The following P2RY12 variants were observed in gnomAD, a reference collection of about 807,000 sequenced individuals.
P2RY12 encodes P2Y purinoceptor 12.
P2RY12 carries 3 observed loss-of-function variants against 4.5 expected under a neutral mutation model. The observed-to-expected ratio is 0.67, with a 90% confidence interval of 0.31 to 1.74. P2RY12 has a LOEUF of 1.74. Among genes scored for constraint, P2RY12 ranks in the 40% most tolerant of loss-of-function variants. The pLI, the probability that P2RY12 is intolerant of heterozygous loss-of-function variation, is 0.09. For synonymous variants in P2RY12, 148 were observed against 154.1 expected, an observed-to-expected ratio of 0.96 and a Z score of 0.29; for missense variants, 356 against 407.8, an observed-to-expected ratio of 0.87 and a Z score of 1.09.
At chr3:151,340,142 A>C (rs949731901) in intron 2 of P2RY12, among the ~76,000 whole-genome samples, 9 of 152,120 alleles carry the variant, frequency 5.9e-5, no homozygotes, top group Admixed American at 5.2e-4. Context: ...ATGCTAAACA[A>C]AACCTAATGT....
intron 1 of P2RY12, among the ~76,000 whole-genome samples, chr3:151,374,701 A>G (rs1389912692): frequency 1.3e-5 from 2 of 152,204 alleles, no homozygotes; most frequent in African/African-American, 2.4e-5. Flanking sequence ...TCCCATCCCT[A>G]TGAGTGTATT....
intron 1 of P2RY12, chr3:151,376,065 TTATG>T (rs1224389049): frequency 6.2e-7 from 1 of 1,603,724 alleles, no homozygotes; most frequent in African/African-American, 1.3e-5. Context: ...ACCTGAAAGA[TTATG>T]TACAGACAAA....
intron 1 of P2RY12, among the ~76,000 whole-genome samples, chr3:151,345,517 C>CTTTTTTTTTTTTTTTT (rs201731496): frequency 7.6e-6 from 1 of 131,650 alleles, no homozygotes; most frequent in Non-Finnish European, 1.6e-5. Context: ...TTTTCTTTTT[C>CTTTTTTTTTTTTTTTT]TTTTTTTTTT....
intron 1 of P2RY12, chr3:151,380,330 C>A: frequency 1.4e-6 from 1 of 734,000 alleles, no homozygotes; most frequent in Non-Finnish European, 2.2e-6. Context: ...GGTGTGGTGG[C>A]TCATGCCTGT....
At chr3:151,383,127 A>C (rs1712697253) in intron 1 of P2RY12, among the ~76,000 whole-genome samples, 1 of 152,240 alleles carries the variant, frequency 6.6e-6, no homozygotes, top group Non-Finnish European at 1.5e-5. Flanking sequence ...ACTTTCCATC[A>C]AATTGATTAT....
chr3:151,356,532 A>G (rs1333538421), intron 1 of P2RY12, among the ~76,000 whole-genome samples: 1 of 152,242 alleles, frequency 6.6e-6, no homozygotes, highest in African/African-American at 2.4e-5. Context: ...CATTTTATTT[A>G]AAGTTGTGTT....
intron 1 of P2RY12, chr3:151,384,043 A>G (rs761401464): frequency 5.0e-6 from 8 of 1,585,878 alleles, no homozygotes; most frequent in Non-Finnish European, 6.9e-6. Flanking sequence ...AGTGTATTTC[A>G]GTTTCACTTT....
intron 1 of P2RY12, among the ~76,000 whole-genome samples, chr3:151,354,623 A>G (rs184044741): frequency 9.7e-4 from 148 of 152,336 alleles, no homozygotes; most frequent in Non-Finnish European, 1.7e-3. Flanking sequence ...AGAAATGTTT[A>G]TAAAGGCACT....
At chr3:151,347,157 T>G (rs1752646356) in intron 1 of P2RY12, among the ~76,000 whole-genome samples, 1 of 145,434 alleles carries the variant, frequency 6.9e-6, no homozygotes, top group Non-Finnish European at 1.5e-5. Context: ...ACAAACTTTT[T>G]TACTCTAGCT....
intron 1 of P2RY12, among the ~76,000 whole-genome samples, chr3:151,379,603 G>A (rs17283010): frequency 0.35 from 53,082 of 152,082 alleles, 9,483 homozygotes; most frequent in Non-Finnish European, 0.38. Context: ...CCTGGCTGAT[G>A]AATTAGCTCT....
At chr3:151,383,048 A>C (rs1046871843) in intron 1 of P2RY12, among the ~76,000 whole-genome samples, 4 of 152,230 alleles carry the variant, frequency 2.6e-5, no homozygotes, top group Non-Finnish European at 5.9e-5. Context: ...GAAGACTGTT[A>C]TAAGTGTTAG....
At chr3:151,342,156 G>A (rs1301770817) in intron 1 of P2RY12, among the ~76,000 whole-genome samples, 1 of 152,170 alleles carries the variant, frequency 6.6e-6, no homozygotes, top group Non-Finnish European at 1.5e-5. Flanking sequence ...TCACCACACT[G>A]ACTTCCACAA....
rs747604391 is a variant in P2RY12 at position 151,338,333 on chromosome 3, A to G, written c.513T>C (p.Asn171=). 11 of 1,613,996 alleles carry G rather than the reference A, an allele frequency of 6.8e-6. No individual in the cohort carries two copies. In the Admixed American group the frequency reaches 1.0e-4, roughly 15 times the overall value. Residue 171 remains asparagine, a synonymous_variant, in exon 3 of 3, where the codon AAT becomes AAC. Coordinates refer to ENST00000302632, the MANE Select transcript of P2RY12 (RefSeq NM_022788.5). ...ATTTAAGGAAAGAGCATTTCTTCAC[A>G]TTCTTGTCTCTCGGCTGCCTGTTGG... is the stretch of plus-strand genomic sequence containing the variant. ...ILTNRQPRDK[N]VKKCSFLKSE... is the part of the protein sequence containing the mutation.
chr3:151,377,020 C>T, intron 1 of P2RY12: 1 of 1,613,980 alleles, frequency 6.2e-7, no homozygotes, highest in Non-Finnish European at 8.5e-7. Flanking sequence ...AAATGAACAA[C>T]TTACTGGACA....
At chr3:151,375,711 A>G (rs531993367) in intron 1 of P2RY12, among the ~76,000 whole-genome samples, 4 of 152,282 alleles carry the variant, frequency 2.6e-5, no homozygotes, top group East Asian at 3.9e-4. Flanking sequence ...GCAAGTTAGA[A>G]AAAACTGACA....
intron 1 of P2RY12, among the ~76,000 whole-genome samples, chr3:151,379,648 C>G (rs982250271): frequency 6.6e-5 from 10 of 152,084 alleles, no homozygotes; most frequent in Admixed American, 6.5e-4. Context: ...GGGAAATGTG[C>G]TGAAAAACAA....
At chr3:151,367,627 G>A (rs1451172651) in intron 1 of P2RY12, 1 of 1,595,070 alleles carries the variant, frequency 6.3e-7, no homozygotes, top group East Asian at 2.3e-5. Context: ...ATTAAAACCT[G>A]TCAATGTTTT....
chr3:151,350,525 G>C (rs1304772657), intron 1 of P2RY12, among the ~76,000 whole-genome samples: 1 of 152,074 alleles, frequency 6.6e-6, no homozygotes, highest in Non-Finnish European at 1.5e-5. Flanking sequence ...AATAAATGAA[G>C]TACTGAAGAA....
intron 1 of P2RY12, chr3:151,356,148 C>A: frequency 8.2e-7 from 1 of 1,221,118 alleles, no homozygotes. Flanking sequence ...GCTTGTAATC[C>A]TGGCACTTTG....
Sources: allele counts gnomAD v4.1 joint callset (sites outside exome capture counted in the v4.1 genomes callset), GRCh38; gene constraint gnomAD v4.1.1; transcripts MANE v1.5; gene names NCBI Gene and HGNC (gene_info 2026-07-23, HGNC 2026-07-21).